Variants in TENM4 observed in about 807,000 individuals in gnomAD.
TENM4 encodes the protein teneurin-4.
In TENM4, 82 loss-of-function variants were observed where a neutral mutation model predicts 243.3. That is an observed-to-expected ratio of 0.34 (90% confidence interval 0.28 to 0.40). The LOEUF (loss-of-function observed/expected upper bound fraction) is 0.40, where lower values mean the gene tolerates loss of function less well. TENM4 is among the 10% of genes least tolerant of loss of function. The probability of loss-of-function intolerance (pLI) is 1.00; values close to 1 mark genes in which losing one functional copy is unlikely to be tolerated. For synonymous variants in TENM4, 1,412 were observed against 1,456.3 expected, an observed-to-expected ratio of 0.97 and a Z score of 0.69; for missense variants, 3,138 against 3,673.3, an observed-to-expected ratio of 0.85 and a Z score of 3.77.
Position 78,890,052 on chromosome 11 carries a change from G to A in TENM4, c.849-32C>T, listed in dbSNP as rs1266874926. 2.7e-6 allele frequency: 4 copies of A among 1,499,722 alleles called. No homozygotes were observed. In the South Asian group the frequency reaches 5.2e-5, roughly 20 times the overall value. The allele number at this position is 1,499,722 out of a possible 1,614,324, so 92.9% of individuals were successfully genotyped here. A position where few individuals can be genotyped will look rare whatever the true frequency, so the allele number is the denominator to read the frequency against. The stretch of plus-strand genomic sequence containing the variant: ...ATGGAGAGCAGCAAGAGGGTGTCAG[G>A]GGCTGCCCACAGACCAGGCACCCAG... On this transcript the variant is annotated intron_variant, in intron 8 of 33. Coordinates refer to ENST00000278550, the MANE Select transcript of TENM4 (RefSeq NM_001098816.3).
intron 19 of TENM4, among the ~76,000 whole-genome samples, chr11:78,748,145 T>C (rs1365707755): frequency 1.3e-5 from 2 of 152,246 alleles, no homozygotes; most frequent in Admixed American, 1.3e-4. Context: ...AAAACCTGTA[T>C]GTATACTAAT....
At chr11:79,066,815 G>A (rs1382611541) in intron 5 of TENM4, among the ~76,000 whole-genome samples, 1 of 152,212 alleles carries the variant, frequency 6.6e-6, no homozygotes, top group Non-Finnish European at 1.5e-5. Flanking sequence ...ACAGATAAGG[G>A]GACAAGGAAG....
In TENM4 at chr11:79,125,215, C is replaced by A. The variant is rs143661290; in HGVS notation, c.-66+23495G>T. On this transcript the variant is annotated intron_variant, in intron 4 of 33. Transcript: ENST00000278550. ...TCGTGAGAAGCAAGGGGTTTAGTGA[C>A]TCTATACCTAATACTTTTGAACATA... is the stretch of plus-strand genomic sequence containing the variant. Among the ~76,000 whole-genome samples, 676 of 152,198 alleles carry A rather than the reference C, an allele frequency of 4.4e-3. 2 individuals are homozygous for A. Among genetic ancestry groups the A allele is most frequent in the African/African-American group, 0.016 (655 of 41,524 alleles).
chr11:79,373,550 G>C (rs1857831203), intron 1 of TENM4, among the ~76,000 whole-genome samples: 1 of 152,126 alleles, frequency 6.6e-6, no homozygotes. Context: ...GGATAGTCAG[G>C]AGGCATTTCA....
intron 1 of TENM4, among the ~76,000 whole-genome samples, chr11:79,318,190 A>T (rs1180044575): frequency 6.6e-6 from 1 of 152,114 alleles, no homozygotes; most frequent in Non-Finnish European, 1.5e-5. Flanking sequence ...ATACAGCAAC[A>T]CTTTCCCCAG....
At chr11:78,824,400 T>G (rs924829608) in intron 12 of TENM4, among the ~76,000 whole-genome samples, 3 of 152,066 alleles carry the variant, frequency 2.0e-5, no homozygotes, top group African/African-American at 7.2e-5. Flanking sequence ...GAGAACTCAC[T>G]ATCATGAGGA....
At chr11:79,260,706 T>G (rs945522094) in intron 2 of TENM4, among the ~76,000 whole-genome samples, 1 of 152,158 alleles carries the variant, frequency 6.6e-6, no homozygotes, top group African/African-American at 2.4e-5. Flanking sequence ...TTCTTCCTCC[T>G]CAAGCAGCAC....
chr11:78,877,224 G>T (rs199922984), intron 9 of TENM4, among the ~76,000 whole-genome samples: 1,960 of 151,884 alleles, frequency 0.013, 39 homozygotes, highest in African/African-American at 0.045. Context: ...AAATACTGTG[G>T]TTTTTTCAGC....
intron 20 of TENM4, among the ~76,000 whole-genome samples, chr11:78,734,999 C>G (rs1855755227): frequency 6.6e-6 from 1 of 152,202 alleles, no homozygotes; most frequent in South Asian, 2.1e-4. Context: ...AGGATCTGAT[C>G]TTGACTCTGA....
chr11:79,069,972 C>A lies in TENM4; in HGVS notation c.-28G>T. ...CCTCCGGCCCGCGCTCCTCCACATC[C>A]ACAAACAGGGTCCTCGCCGCACTCA... On this transcript the variant is annotated 5_prime_UTR_variant, in exon 5 of 34. Transcript: ENST00000278550. 1.3e-6 allele frequency: 2 copies of A among 1,540,814 alleles called. No homozygotes were observed. The highest frequency in any genetic ancestry group is 1.7e-6 in the Non-Finnish European group (2 of 1,144,830).
intron 4 of TENM4, among the ~76,000 whole-genome samples, chr11:79,116,576 A>G (rs1861626975): frequency 1.3e-5 from 2 of 152,200 alleles, no homozygotes; most frequent in African/African-American, 4.8e-5. Context: ...CTCTCCCCCA[A>G]ATGAATCTTT....
At chr11:79,163,577 G>T (rs1411046051) in intron 3 of TENM4, among the ~76,000 whole-genome samples, 1 of 151,752 alleles carries the variant, frequency 6.6e-6, no homozygotes, top group East Asian at 1.9e-4. Flanking sequence ...AAAGTCCATT[G>T]TACCATTCTT....
intron 1 of TENM4, among the ~76,000 whole-genome samples, chr11:79,315,081 A>G (rs1454161544): frequency 6.6e-6 from 1 of 152,228 alleles, no homozygotes; most frequent in Non-Finnish European, 1.5e-5. Context: ...TTGTTATTTA[A>G]GCTGAGTAAT....
At chr11:79,096,962 ACC>A in intron 4 of TENM4, 2 of 146,396 alleles carry the variant, frequency 1.4e-5, no homozygotes, top group Non-Finnish European at 1.5e-5. Flanking sequence ...ACACACACAC[ACC>A]CTTCATGTGG....
intron 3 of TENM4, among the ~76,000 whole-genome samples, chr11:79,166,278 T>A (rs1438340384): frequency 2.6e-5 from 4 of 152,228 alleles, no homozygotes; most frequent in Non-Finnish European, 4.4e-5. Context: ...ATGAAGGTAT[T>A]TCGTCTTCTG....
chr11:79,404,767 G>A (rs1008039421), intron 1 of TENM4, among the ~76,000 whole-genome samples: 1 of 152,028 alleles, frequency 6.6e-6, no homozygotes, highest in African/African-American at 2.4e-5. Context: ...ATAAGAGTTA[G>A]TTATGAAATC....
intron 1 of TENM4, among the ~76,000 whole-genome samples, chr11:79,398,174 T>C (rs1168934716): frequency 1.3e-5 from 2 of 152,114 alleles, no homozygotes. Flanking sequence ...CTTTACTTTT[T>C]TTTTCCTATG....
At chr11:78,824,503 CTTTT>C (rs35834549) in intron 12 of TENM4, among the ~76,000 whole-genome samples, 1 of 137,048 alleles carries the variant, frequency 7.3e-6, no homozygotes, top group African/African-American at 2.8e-5. Context: ...TTCTTTCTTT[CTTTT>C]TTTTTTTTTT....
chr11:79,365,988 C>A (rs982077115), intron 1 of TENM4, among the ~76,000 whole-genome samples: 5 of 152,166 alleles, frequency 3.3e-5, no homozygotes, highest in Non-Finnish European at 5.9e-5. Context: ...AGCAAGAGAG[C>A]CCATGCTTAG....
Sources: allele counts gnomAD v4.1 joint callset (sites outside exome capture counted in the v4.1 genomes callset), GRCh38; gene constraint gnomAD v4.1.1; transcripts MANE v1.5; gene names NCBI Gene and HGNC (gene_info 2026-07-23, HGNC 2026-07-21).